Variants in WDFY4 observed in about 807,000 individuals in gnomAD.
WDFY4 encodes WD repeat- and FYVE domain-containing protein 4.
A neutral mutation model predicts 351.9 loss-of-function variants in WDFY4; 169 were observed. The ratio of observed to expected loss-of-function variants is 0.48; its 90% CI spans 0.42 to 0.55. The LOEUF (loss-of-function observed/expected upper bound fraction) is 0.55. WDFY4 is among the 20% of genes least tolerant of loss of function. The pLI, the probability that WDFY4 is intolerant of heterozygous loss-of-function variation, is 0.00. For synonymous variants in WDFY4, 1,622 were observed against 1,574.6 expected, an observed-to-expected ratio of 1.03 and a Z score of -0.71; for missense variants, 3,803 against 3,935.6, an observed-to-expected ratio of 0.97 and a Z score of 0.90.
intron 23 of WDFY4, among the ~76,000 whole-genome samples, chr10:48,794,921 G>C (rs2066806664): frequency 6.6e-6 from 1 of 152,180 alleles, no homozygotes; most frequent in Admixed American, 6.5e-5. Context: ...TGTTGATAAT[G>C]CTTTCTAGAA....
rs535913691 is a variant in WDFY4 at position 48,828,936 on chromosome 10, G to C, written c.6340+40G>C. ...TCATTGTGTGTGTGGGCGGGGGGGG[G>C]GCGGGGAGGGGGTGGTGGCAGGATA... On this transcript the variant is annotated intron_variant, in intron 37 of 61. Coordinates refer to ENST00000325239, the MANE Select transcript of WDFY4 (RefSeq NM_001394531.1). 2.1e-4 allele frequency: 51 copies of C among 245,642 alleles called. 3 individuals are homozygous for C. The highest frequency in any genetic ancestry group is 1.8e-4 in the East Asian group (1 of 5,622). The allele number at this position is 245,642 out of a possible 1,614,324, so 15.2% of individuals were successfully genotyped here. A position where few individuals can be genotyped will look rare whatever the true frequency, so the allele number is the denominator to read the frequency against.
chr10:48,890,774 A>T (rs1344755557), intron 44 of WDFY4, 47 bp downstream of exon 44: 9 of 1,548,016 alleles, frequency 5.8e-6, no homozygotes, highest in Non-Finnish European at 7.9e-6. Context: ...AGCCCCATTC[A>T]TCCTTACCAG....
Position 48,735,932 on chromosome 10 carries a change from C to A in WDFY4, c.1740C>A (p.Asp580Glu). 1 of 1,551,738 alleles carries A rather than the reference C, an allele frequency of 6.4e-7. No individual in the cohort carries two copies. The highest frequency in any genetic ancestry group is 2.4e-5 in the East Asian group (1 of 40,928). Residue 580 changes from aspartate to glutamate, a missense_variant, in exon 11 of 62, where the codon GAC (aspartate) becomes GAA (glutamate). Asp to Glu is a conservative substitution (Grantham distance 45, BLOSUM62 2). This residue lies in a region of WDFY4 where 261 missense variants were observed against 330.2 expected (regional missense o/e 0.79). Coordinates refer to ENST00000325239, the MANE Select transcript of WDFY4 (RefSeq NM_001394531.1). ...CCTTCATCAAGATCTTCCTGGATGA[C>A]GAGTGCTACCGGGAGGCCTCGCTCA... ...MVPFIKIFLD[D>E]ECYREASLSI... is the part of the protein sequence containing the mutation.
chr10:48,972,258 C>T (rs1590023261), intron 57 of WDFY4, among the ~76,000 whole-genome samples: 1 of 152,186 alleles, frequency 6.6e-6, no homozygotes, highest in Admixed American at 6.5e-5. Context: ...GGAAAGTCAT[C>T]ACTGAAGAGC....
intron 24 of WDFY4, chr10:48,801,613 GGCAGTGGCTGTGCTTAAAAAA>G: frequency 2.4e-6 from 1 of 414,816 alleles, no homozygotes; most frequent in South Asian, 1.7e-5. Context: ...TGTGCCTTTG[GGCAGTGGCTGTGCTTAAAAAA>G]GCAGGAAATC....
At position 48,844,230 on chromosome 10, in the gene WDFY4, C is replaced by G. The variant is rs74995549; in HGVS notation, c.6663+11521C>G. 4.2e-3 allele frequency among the ~76,000 whole-genome samples: 647 copies of G among 152,242 alleles called. 3 individuals are homozygous for G. Among genetic ancestry groups the G allele is most frequent in the African/African-American group, 0.015 (610 of 41,530 alleles). Reference sequence around the variant, plus strand: ...TTGATGGGGGTTGATGTAAACTTGGCTCTTGGGCCTGGCAAAGAAGGAAGG... The same window carrying G: ...TTGATGGGGGTTGATGTAAACTTGGGTCTTGGGCCTGGCAAAGAAGGAAGG... On this transcript the variant is annotated intron_variant, in intron 39 of 61. Transcript: ENST00000325239.
intron 57 of WDFY4, among the ~76,000 whole-genome samples, chr10:48,972,370 T>C (rs57753010): frequency 7.4e-4 from 112 of 152,354 alleles, no homozygotes; most frequent in African/African-American, 2.7e-3. Context: ...ACCATCCCTA[T>C]AAAAGTTTTC....
chr10:48,831,893 A>T (rs1345266407), intron 38 of WDFY4, among the ~76,000 whole-genome samples: 2 of 152,180 alleles, frequency 1.3e-5, no homozygotes, highest in Non-Finnish European at 2.9e-5. Context: ...TTTATAAGAC[A>T]CTAATTCATT....
At chr10:48,745,665 C>G (rs530547833) in intron 12 of WDFY4, 1 of 578,540 alleles carries the variant, frequency 1.7e-6, no homozygotes, top group African/African-American at 1.9e-5. Context: ...TCTCCTTCCT[C>G]TTCTCCTCCA....
intron 13 of WDFY4, 43 bp from the exon 14 acceptor site, chr10:48,774,415 G>A (rs1453554743): frequency 1.1e-5 from 17 of 1,547,318 alleles, no homozygotes; most frequent in Non-Finnish European, 1.5e-5. Flanking sequence ...TCCACAAGGT[G>A]TTCTGCCCTG....
intron 4 of WDFY4, 84 bp from the exon 5 acceptor site, chr10:48,723,349 G>A: frequency 1.3e-6 from 2 of 1,481,966 alleles, no homozygotes; most frequent in Non-Finnish European, 1.8e-6. Flanking sequence ...TCACTGAAAT[G>A]GCTGCAGGGG....
intron 1 of WDFY4, among the ~76,000 whole-genome samples, chr10:48,688,645 T>A (rs368132724): frequency 1.3e-5 from 2 of 152,178 alleles, no homozygotes; most frequent in African/African-American, 4.8e-5. Context: ...AGAATCATTT[T>A]AGGTGTCATG....
intron 7 of WDFY4, among the ~76,000 whole-genome samples, chr10:48,728,599 C>T (rs2064349151): frequency 6.6e-6 from 1 of 152,232 alleles, no homozygotes; most frequent in Admixed American, 6.5e-5. Context: ...GGGCCAAAGT[C>T]CTTTGGTCCA....
chr10:48,848,093 G>A (rs976072600), intron 39 of WDFY4, among the ~76,000 whole-genome samples: 1 of 152,160 alleles, frequency 6.6e-6, no homozygotes. Flanking sequence ...TTTCTGGCCT[G>A]AGTCATCCAA....
intron 52 of WDFY4, among the ~76,000 whole-genome samples, chr10:48,958,994 T>C (rs1841736083): frequency 6.6e-6 from 1 of 152,232 alleles, no homozygotes; most frequent in Non-Finnish European, 1.5e-5. Flanking sequence ...GTAGCCATCA[T>C]ATGCCTGACG....
intron 54 of WDFY4, among the ~76,000 whole-genome samples, 157 bp from the exon 55 acceptor site, chr10:48,966,369 G>A (rs1250840777): frequency 6.6e-6 from 1 of 152,168 alleles, no homozygotes; most frequent in Admixed American, 6.5e-5. Context: ...TGCAGCGTCT[G>A]AGGGCTGGAC....
At chr10:48,850,638 A>G (rs960429295) in intron 39 of WDFY4, among the ~76,000 whole-genome samples, 3 of 152,228 alleles carry the variant, frequency 2.0e-5, no homozygotes, top group African/African-American at 7.2e-5. Flanking sequence ...TAACTGGCCT[A>G]AAATTGCAAA....
At position 48,826,982 on chromosome 10, in the gene WDFY4, A is replaced by T. The variant is rs1019944091; in HGVS notation, c.6221+73A>T. 8.8e-5 allele frequency: 110 copies of T among 1,247,652 alleles called. No individual in the cohort carries two copies. In the Admixed American group the frequency reaches 2.1e-3, roughly 24 times the overall value. The allele number at this position is 1,247,652 out of a possible 1,614,324, so 77.3% of individuals were successfully genotyped here. On this transcript the variant is annotated intron_variant, in intron 36 of 61. Coordinates refer to ENST00000325239, the MANE Select transcript of WDFY4 (RefSeq NM_001394531.1). Reference sequence around the variant, plus strand: ...AAGGAGAGATTTAGAGGAAAGCTTGATTGAGGACTGAGTTCTGTATAAATG... The same window carrying T: ...AAGGAGAGATTTAGAGGAAAGCTTGTTTGAGGACTGAGTTCTGTATAAATG...
At chr10:48,687,698 T>C (rs1310066096) in intron 1 of WDFY4, among the ~76,000 whole-genome samples, 2 of 139,650 alleles carry the variant, frequency 1.4e-5, no homozygotes, top group African/African-American at 5.3e-5. Context: ...CACTGCAACC[T>C]CCACCTCCCA....
Sources: gnomAD v4.1 joint callset for allele counts (sites outside exome capture counted in the v4.1 genomes callset) on GRCh38, gnomAD v4.1.1 for gene constraint, gnomAD v4.1.1 regional missense constraint, MANE v1.5 for transcripts, NCBI Gene and HGNC (gene_info 2026-07-23, HGNC 2026-07-21) for gene names.